The following ATP9A variants were observed in gnomAD, a reference collection of about 807,000 sequenced individuals.
The protein encoded by ATP9A is ATPase phospholipid transporting 9A.
In ATP9A, 52 loss-of-function variants were observed where a neutral mutation model predicts 144.1. The ratio of observed to expected loss-of-function variants is 0.36; its 90% CI spans 0.29 to 0.45. ATP9A has a LOEUF of 0.45. ATP9A is among the 20% of genes least tolerant of loss of function. The pLI is 1.00. For missense variants in ATP9A, 947 were observed against 1,392.7 expected (o/e 0.68, Z 5.09); for synonymous variants, 582 against 557.4 (o/e 1.04, Z -0.62).
intron 3 of ATP9A, among the ~76,000 whole-genome samples, chr20:51,725,251 T>C (rs1438481159): frequency 6.6e-6 from 1 of 152,140 alleles, no homozygotes; most frequent in African/African-American, 2.4e-5. Flanking sequence ...GCCTCACAAG[T>C]AGTTGGGACT....
chr20:51,690,357 C>T lies in ATP9A; in HGVS notation c.723+382G>A, dbSNP rs142052188. Among the ~76,000 whole-genome samples the T allele has an allele frequency of 4.6e-3, 694 of 151,906 alleles. 12 individuals carry two copies. The East Asian group carries it at 0.053, about 12-fold the overall frequency. ...ATGGCGTGAACCCGGGAGACGGAGC[C>T]TGCAGTGAGCCGAGATGGTGCCACT... is the stretch of plus-strand genomic sequence containing the variant. On this transcript the variant is annotated intron_variant, in intron 8 of 27. Coordinates refer to ENST00000338821, the MANE Select transcript of ATP9A (RefSeq NM_006045.3).
chr20:51,701,377 G>T (rs912818818), intron 4 of ATP9A, among the ~76,000 whole-genome samples: 8 of 152,118 alleles, frequency 5.3e-5, no homozygotes, highest in Non-Finnish European at 7.4e-5. Flanking sequence ...TCCATTAAGC[G>T]TAAGGTTGCT....
intron 21 of ATP9A, 48 bp from the exon 22 acceptor site, chr20:51,617,602 A>C (rs1430657941): frequency 1.3e-6 from 2 of 1,589,296 alleles, no homozygotes; most frequent in Admixed American, 3.5e-5. Flanking sequence ...TTCTTACCTT[A>C]ACCAAGAATG....
chr20:51,627,713 C>T (rs1278408637), intron 16 of ATP9A, 30 bp from the exon 17 acceptor site: 18 of 1,593,568 alleles, frequency 1.1e-5, no homozygotes, highest in East Asian at 4.5e-5. Context: ...CGAGTGGGAG[C>T]GGTGCTGAGA....
At chr20:51,669,968 G>T in intron 13 of ATP9A, 29 bp downstream of exon 13, 2 of 1,496,596 alleles carry the variant, frequency 1.3e-6, no homozygotes, top group Non-Finnish European at 1.9e-6. Flanking sequence ...TCAAAGAATT[G>T]TTTTGGGTGT....
At chr20:51,686,557 C>A (rs1453001022) in intron 9 of ATP9A, among the ~76,000 whole-genome samples, 1 of 152,018 alleles carries the variant, frequency 6.6e-6, no homozygotes, top group Non-Finnish European at 1.5e-5. Flanking sequence ...AAAGAAGAAC[C>A]ACAAAGGAAA....
chr20:51,729,723 C>A, intron 2 of ATP9A, 111 bp downstream of exon 2: 1 of 1,241,030 alleles, frequency 8.1e-7, no homozygotes. Context: ...CCAGCCTGGG[C>A]GACAGAGTAA....
At chr20:51,709,823 T>G (rs930730071) in intron 4 of ATP9A, among the ~76,000 whole-genome samples, 4 of 152,186 alleles carry the variant, frequency 2.6e-5, no homozygotes, top group African/African-American at 9.6e-5. Flanking sequence ...ATTTTTTGCT[T>G]GTTAGGAATT....
chr20:51,661,971 T>A lies in ATP9A; in HGVS notation c.1294-4821A>T, dbSNP rs143204416. 4.3e-3 allele frequency among the ~76,000 whole-genome samples: 662 copies of A among 152,356 alleles called. 8 individuals carry two copies. Among genetic ancestry groups the A allele is most frequent in the African/African-American group, 0.015 (621 of 41,592 alleles). The stretch of plus-strand genomic sequence containing the variant: ...TGATTTTGACCCTCATTTGGTCATG[T>A]CTGGAGACATAATTGGTTGTCACAA... On this transcript the variant is annotated intron_variant, in intron 13 of 27. Coordinates refer to ENST00000338821, the MANE Select transcript of ATP9A (RefSeq NM_006045.3).
intron 3 of ATP9A, among the ~76,000 whole-genome samples, chr20:51,718,959 CT>C (rs376177570): frequency 1.1e-3 from 173 of 151,648 alleles, no homozygotes; most frequent in African/African-American, 4.1e-3. Flanking sequence ...GAAACCCCAT[CT>C]CTACTAAAAA....
chr20:51,768,310 G>A lies in ATP9A; in HGVS notation c.60C>T (p.Pro20=). 1.5e-6 allele frequency: 2 copies of A among 1,307,436 alleles called. No individual in the cohort carries two copies. Among genetic ancestry groups the A allele is most frequent in the South Asian group, 2.3e-5 (1 of 44,080 alleles). The allele number at this position is 1,307,436 out of a possible 1,614,324, so 81.0% of individuals were successfully genotyped here. A position where few individuals can be genotyped will look rare whatever the true frequency, so the allele number is the denominator to read the frequency against. Residue 20 remains proline (P), a synonymous_variant, in exon 1 of 28, where the codon CCC becomes CCT. Coordinates refer to ENST00000338821, the MANE Select transcript of ATP9A (RefSeq NM_006045.3). ...VRQKKRMDSR[P]RAGCCEWLRC... ...GGCCCAGGCCCACTCACCCGGCGCG[G>A]GGCCTGCTGTCCATCCGCTTCTTCT...
chr20:51,650,169 T>C (rs1474320513), intron 14 of ATP9A, among the ~76,000 whole-genome samples: 1 of 152,198 alleles, frequency 6.6e-6, no homozygotes. Flanking sequence ...GGCACATTTG[T>C]AAAAACTGAG....
rs1446165769 is a variant in ATP9A, at chr20:51,743,401, T to TA, written c.69-13424_69-13423insT. Among the ~76,000 whole-genome samples the TA allele has an allele frequency of 1.6e-4, 21 of 133,334 alleles. 1 individual carries two copies. The East Asian group carries it at 3.8e-3, about 24-fold the overall frequency. The allele number at this position is 133,334 out of a possible 152,430, so 87.5% of individuals were successfully genotyped here. ...GGGCTGCAAGACCGAAACTGATTTT[T>TA]TTTTTTTTTTTTTTTTGAGACGGAG... On this transcript the variant is annotated intron_variant, in intron 1 of 27. Transcript: ENST00000338821.
intron 3 of ATP9A, among the ~76,000 whole-genome samples, chr20:51,715,590 G>A (rs2077658629): frequency 6.6e-6 from 1 of 152,118 alleles, no homozygotes; most frequent in Non-Finnish European, 1.5e-5. Context: ...CCTCCCTGCT[G>A]CAAATAAATA....
At position 51,639,485 on chromosome 20, in the gene ATP9A, G is replaced by A. The variant is rs766953775; in HGVS notation, c.1526C>T (p.Thr509Met). The A allele has an allele frequency of 8.1e-6, 13 of 1,611,976 alleles. No individual in the cohort carries two copies. Among genetic ancestry groups the A allele is most frequent in the African/African-American group, 4.0e-5 (3 of 74,788 alleles). ...SPDEVALVQW[T>M]ESVGLTLVGR... ...CACCAGGGTTAAGCCCACACTTTCC[G>A]TCCACTGTACCAGGGCCACCTAAAC... Residue 509 changes from threonine (T) to methionine (M), a missense_variant, in exon 15 of 28, where the codon ACG (threonine) becomes ATG (methionine). Thr to Met is a moderately conservative substitution (Grantham distance 81). Coordinates refer to ENST00000338821, the MANE Select transcript of ATP9A (RefSeq NM_006045.3).
intron 4 of ATP9A, 59 bp from the exon 5 acceptor site, chr20:51,697,541 CT>C: frequency 1.3e-6 from 2 of 1,533,276 alleles, no homozygotes; most frequent in Non-Finnish European, 1.8e-6. Flanking sequence ...TTCAACACGT[CT>C]TTACAGAGTG....
At chr20:51,637,881 C>T (rs1344289864) in intron 15 of ATP9A, among the ~76,000 whole-genome samples, 3 of 150,786 alleles carry the variant, frequency 2.0e-5, no homozygotes, top group Admixed American at 2.0e-4. Context: ...CCTGACTCGC[C>T]AAAGTCCATT....
At chr20:51,718,435 C>A (rs1422462120) in intron 3 of ATP9A, among the ~76,000 whole-genome samples, 1 of 151,566 alleles carries the variant, frequency 6.6e-6, no homozygotes, top group Admixed American at 6.6e-5. Flanking sequence ...ATCATGCGAT[C>A]TTTTCTATTT....
At chr20:51,665,299 A>T (rs2077428205) in intron 13 of ATP9A, among the ~76,000 whole-genome samples, 1 of 152,200 alleles carries the variant, frequency 6.6e-6, no homozygotes, top group Non-Finnish European at 1.5e-5. Flanking sequence ...GGTTGATAAA[A>T]ATGTTCTAAA....
Sources: allele counts gnomAD v4.1 joint callset (sites outside exome capture counted in the v4.1 genomes callset), GRCh38; gene constraint gnomAD v4.1.1; transcripts MANE v1.5; gene names NCBI Gene and HGNC (gene_info 2026-07-23, HGNC 2026-07-21).